The following MCTP1 variants were observed in gnomAD, a reference collection of about 807,000 sequenced individuals.
The protein encoded by MCTP1 is multiple C2 and transmembrane domain-containing protein 1.
Under a neutral mutation model 120.6 loss-of-function variants are expected in MCTP1, and 69 were observed. The observed-to-expected ratio is 0.57, with a 90% CI of 0.47 to 0.70. MCTP1 has a LOEUF of 0.70. Ranked by LOEUF, MCTP1 falls within the 30% of genes least tolerant of loss-of-function variation. MCTP1 has a pLI of 0.00. For synonymous variants in MCTP1, 529 were observed against 493.1 expected (o/e 1.07, Z -0.96); for missense variants, 1,203 against 1,248.8 (o/e 0.96, Z 0.55).
At chr5:95,205,863 C>T (rs1751561218) in intron 1 of MCTP1, among the ~76,000 whole-genome samples, 1 of 151,992 alleles carries the variant, frequency 6.6e-6, no homozygotes, top group Non-Finnish European at 1.5e-5. Flanking sequence ...AACATAACTA[C>T]AATCAAGAAA....
intron 17 of MCTP1, among the ~76,000 whole-genome samples, chr5:94,854,643 A>C (rs1454295643): frequency 6.6e-6 from 1 of 151,824 alleles, no homozygotes; most frequent in Non-Finnish European, 1.5e-5. Context: ...AGTTTCTCCA[A>C]TAAATAAATA....
intron 1 of MCTP1, among the ~76,000 whole-genome samples, chr5:95,058,433 A>G (rs1747995434): frequency 1.3e-5 from 2 of 152,232 alleles, no homozygotes; most frequent in Admixed American, 1.3e-4. Context: ...AAATAAGTGA[A>G]TTCCAGTCCT....
chr5:94,994,483 T>G (rs1327483662), intron 2 of MCTP1, among the ~76,000 whole-genome samples: 1 of 152,234 alleles, frequency 6.6e-6, no homozygotes, highest in East Asian at 1.9e-4. Context: ...CTAGGAAGCT[T>G]TTTTAACATA....
chr5:94,759,899 A>AAG (rs1158882548), intron 19 of MCTP1, among the ~76,000 whole-genome samples: 1 of 110,352 alleles, frequency 9.1e-6, no homozygotes, highest in Non-Finnish European at 1.9e-5. Context: ...AACTTTTTCA[A>AAG]AGAGAAAAAA....
chr5:94,899,929 T>C (rs549915128), intron 10 of MCTP1, among the ~76,000 whole-genome samples: 53 of 152,324 alleles, frequency 3.5e-4, no homozygotes, highest in Middle Eastern at 3.4e-3. Flanking sequence ...TCGTGCTCCA[T>C]TTTTCTTGAG....
intron 1 of MCTP1, among the ~76,000 whole-genome samples, chr5:95,100,775 C>G (rs1392540309): frequency 1.3e-5 from 2 of 152,076 alleles, no homozygotes; most frequent in South Asian, 2.1e-4. Context: ...CAAATCAATT[C>G]AAAATATCAA....
intron 12 of MCTP1, among the ~76,000 whole-genome samples, chr5:94,876,976 T>C (rs1003874514): frequency 2.0e-5 from 3 of 151,992 alleles, no homozygotes; most frequent in Non-Finnish European, 4.4e-5. Context: ...GAGGACATGA[T>C]AGACATGTAA....
chr5:94,798,312 T>C (rs905005864), intron 18 of MCTP1, among the ~76,000 whole-genome samples: 1 of 152,162 alleles, frequency 6.6e-6, no homozygotes, highest in African/African-American at 2.4e-5. Flanking sequence ...GGAACAAAGC[T>C]TGGCAGAACA....
intron 17 of MCTP1, chr5:94,867,299 A>G: frequency 6.5e-7 from 1 of 1,531,920 alleles, no homozygotes; most frequent in East Asian, 2.4e-5. Flanking sequence ...AGGCTGCCTA[A>G]CTTTCTGGTA....
At chr5:94,719,981 C>G (rs1760486409) in intron 19 of MCTP1, among the ~76,000 whole-genome samples, 1 of 151,954 alleles carries the variant, frequency 6.6e-6, no homozygotes, top group South Asian at 2.1e-4. Flanking sequence ...ACAAAATTAG[C>G]CGGGCGTGGT....
rs145302443 is a variant in MCTP1, at chr5:95,155,886, C to T, written c.720+127970G>A. Among the ~76,000 whole-genome samples the T allele has an allele frequency of 2.3e-3, 347 of 152,292 alleles. 3 individuals carry two copies. The highest frequency in any genetic ancestry group is 3.9e-3 in the Admixed American group (59 of 15,294). On this transcript the variant is annotated intron_variant, in intron 1 of 22. Coordinates refer to ENST00000515393, the MANE Select transcript of MCTP1 (RefSeq NM_024717.7). The stretch of plus-strand genomic sequence containing the variant: ...AATGACAAAGGTGATGGGTTGGTCA[C>T]TCATTTGATTCCATTACATGATCTG...
intron 6 of MCTP1, among the ~76,000 whole-genome samples, chr5:94,929,952 T>A (rs1173080697): frequency 6.6e-6 from 1 of 152,156 alleles, no homozygotes; most frequent in Non-Finnish European, 1.5e-5. Flanking sequence ...TCCCTTAGGC[T>A]AAAACCCAAA....
chr5:95,127,077 C>G (rs1758689474), intron 1 of MCTP1, among the ~76,000 whole-genome samples: 1 of 152,064 alleles, frequency 6.6e-6, no homozygotes, highest in African/African-American at 2.4e-5. Flanking sequence ...AGAACATCAT[C>G]CTTTTTGGTG....
rs967980523 is a variant in MCTP1 at position 94,705,522 on chromosome 5, AAGG to A, written c.*1971_*1973del. 2.0e-5 allele frequency: 3 copies of A among 151,156 alleles called. No homozygotes were observed. Among genetic ancestry groups the A allele is most frequent in the African/African-American group, 4.9e-5 (2 of 41,220 alleles). The allele number at this position is 151,156 out of a possible 1,614,324, so 9.4% of individuals were successfully genotyped here. On this transcript the variant is annotated 3_prime_UTR_variant, in exon 23 of 23. Transcript: ENST00000515393. The stretch of plus-strand genomic sequence containing the variant: ...TCTGAACCACCAAAAAAAAAAAAAA[AAGG>A]AGTGCTGATTATACGTGGGAAAGAT...
chr5:95,209,132 G>A (rs1054739567), intron 1 of MCTP1, among the ~76,000 whole-genome samples: 18 of 152,144 alleles, frequency 1.2e-4, no homozygotes, highest in African/African-American at 4.3e-4. Flanking sequence ...AAAGGGAATT[G>A]TATCATCCCC....
At chr5:94,867,558 C>A (rs1797060505) in intron 17 of MCTP1, 2 of 431,000 alleles carry the variant, frequency 4.6e-6, no homozygotes, top group Non-Finnish European at 8.2e-6. Flanking sequence ...CATATTTGAA[C>A]AAACATGAAA....
chr5:95,116,513 C>G (rs1312262233), intron 1 of MCTP1, among the ~76,000 whole-genome samples: 1 of 151,388 alleles, frequency 6.6e-6, no homozygotes, highest in Non-Finnish European at 1.5e-5. Flanking sequence ...CTTGGCTATT[C>G]AAGCTCTTTT....
At chr5:94,994,779 T>C (rs982097752) in intron 2 of MCTP1, among the ~76,000 whole-genome samples, 1 of 152,184 alleles carries the variant, frequency 6.6e-6, no homozygotes, top group African/African-American at 2.4e-5. Flanking sequence ...CACAATCTAA[T>C]CAGCTGCCAG....
chr5:94,735,961 C>T (rs1260982883), intron 19 of MCTP1, among the ~76,000 whole-genome samples: 1 of 152,138 alleles, frequency 6.6e-6, no homozygotes, highest in East Asian at 1.9e-4. Flanking sequence ...GAGCCAATCA[C>T]CTTGGGTTTG....
Sources: gnomAD v4.1 joint callset for allele counts (sites outside exome capture counted in the v4.1 genomes callset) on GRCh38, gnomAD v4.1.1 for gene constraint, MANE v1.5 for transcripts, NCBI Gene and HGNC (gene_info 2026-07-23, HGNC 2026-07-21) for gene names.